EXOC6B: variants seen among roughly 807,000 people sequenced by gnomAD.
EXOC6B encodes the protein SEC15 homolog B.
In EXOC6B, 54 loss-of-function variants were observed where a neutral mutation model predicts 113.5. That is an observed-to-expected ratio of 0.48 (90% CI 0.38 to 0.60). The LOEUF (loss-of-function observed/expected upper bound fraction) is 0.60, where lower values mean the gene tolerates loss of function less well. Among genes scored for constraint, EXOC6B ranks in the 20% least tolerant of loss-of-function variants. The pLI, the probability that EXOC6B is intolerant of heterozygous loss-of-function variation, is 0.00. For missense variants in EXOC6B, 797 were observed against 977.5 expected, an observed-to-expected ratio of 0.82 and a Z score of 2.46; for synonymous variants, 357 against 339.0, an observed-to-expected ratio of 1.05 and a Z score of -0.58.
chr2:72,263,621 G>A (rs1417425410), intron 20 of EXOC6B, among the ~76,000 whole-genome samples: 2 of 152,148 alleles, frequency 1.3e-5, no homozygotes, highest in South Asian at 2.1e-4. Flanking sequence ...TCCCAAAGGG[G>A]TTGGAAGGAG....
At chr2:72,799,057 T>TG (rs1685134639) in intron 1 of EXOC6B, among the ~76,000 whole-genome samples, 1 of 151,114 alleles carries the variant, frequency 6.6e-6, no homozygotes, top group Admixed American at 6.6e-5. Context: ...TGGGCACACA[T>TG]GGGAAACCTC....
chr2:72,607,258 G>C (rs1670808851), intron 6 of EXOC6B, among the ~76,000 whole-genome samples: 1 of 152,024 alleles, frequency 6.6e-6, no homozygotes, highest in Non-Finnish European at 1.5e-5. Flanking sequence ...AAGAGAATAA[G>C]TTCCTGACAT....
At chr2:72,343,845 A>G (rs538350143) in intron 19 of EXOC6B, among the ~76,000 whole-genome samples, 1 of 152,230 alleles carries the variant, frequency 6.6e-6, no homozygotes, top group African/African-American at 2.4e-5. Flanking sequence ...AAATCTGCAA[A>G]TCTTATTAAG....
At chr2:72,765,598 G>A (rs1225720134) in intron 1 of EXOC6B, among the ~76,000 whole-genome samples, 1 of 152,068 alleles carries the variant, frequency 6.6e-6, no homozygotes, top group Non-Finnish European at 1.5e-5. Flanking sequence ...ACTTGAACCC[G>A]GGAGGTGGAG....
At chr2:72,548,107 T>C (rs1432607993) in intron 8 of EXOC6B, among the ~76,000 whole-genome samples, 6 of 152,222 alleles carry the variant, frequency 3.9e-5, no homozygotes, top group South Asian at 4.1e-4. Context: ...CCTTGTTCAC[T>C]TTCTTCCCTC....
chr2:72,483,944 T>C (rs1699262201), intron 16 of EXOC6B, among the ~76,000 whole-genome samples: 1 of 152,156 alleles, frequency 6.6e-6, no homozygotes, highest in African/African-American at 2.4e-5. Flanking sequence ...AGATCAAATA[T>C]TGATTATCTC....
intron 6 of EXOC6B, among the ~76,000 whole-genome samples, chr2:72,689,622 C>T (rs566399340): frequency 2.0e-5 from 3 of 152,086 alleles, no homozygotes; most frequent in Non-Finnish European, 4.4e-5. Flanking sequence ...TTCTGATATT[C>T]GGGCCCTGTG....
chr2:72,727,265 C>T (rs896808634), intron 5 of EXOC6B, among the ~76,000 whole-genome samples: 3 of 152,092 alleles, frequency 2.0e-5, no homozygotes, highest in South Asian at 2.1e-4. Flanking sequence ...GATTTAAACC[C>T]GTATGTTGAT....
intron 8 of EXOC6B, among the ~76,000 whole-genome samples, chr2:72,540,103 T>C (rs966827550): frequency 2.0e-5 from 3 of 151,970 alleles, no homozygotes; most frequent in Admixed American, 2.0e-4. Flanking sequence ...ATTTCATCCA[T>C]GTCCCTACAA....
chr2:72,287,670 C>CAGA (rs1685528271), intron 20 of EXOC6B, among the ~76,000 whole-genome samples: 1 of 151,910 alleles, frequency 6.6e-6, no homozygotes, highest in Non-Finnish European at 1.5e-5. Flanking sequence ...TTATGAATGA[C>CAGA]TTTATGCCAA....
At chr2:72,772,061 G>A (rs1336732795) in intron 1 of EXOC6B, among the ~76,000 whole-genome samples, 1 of 152,150 alleles carries the variant, frequency 6.6e-6, no homozygotes, top group African/African-American at 2.4e-5. Context: ...CACCTAGGTA[G>A]AATGCAGAAA....
chr2:72,544,421 T>C (rs1390983024), intron 8 of EXOC6B, among the ~76,000 whole-genome samples: 1 of 152,068 alleles, frequency 6.6e-6, no homozygotes, highest in Non-Finnish European at 1.5e-5. Context: ...TAAAACTGAG[T>C]CCTCATCAGG....
At chr2:72,677,957 CTT>C (rs1475141918) in intron 6 of EXOC6B, among the ~76,000 whole-genome samples, 3 of 152,154 alleles carry the variant, frequency 2.0e-5, no homozygotes, top group African/African-American at 4.8e-5. Context: ...ATCAAAGACT[CTT>C]TTAGTGACAA....
intron 20 of EXOC6B, among the ~76,000 whole-genome samples, chr2:72,309,005 T>G (rs1184176539): frequency 6.6e-6 from 1 of 152,024 alleles, no homozygotes; most frequent in Non-Finnish European, 1.5e-5. Flanking sequence ...ACAAATCAGA[T>G]AGAAATGAGA....
chr2:72,258,545 C>A (rs557946928), intron 20 of EXOC6B, among the ~76,000 whole-genome samples: 1 of 150,850 alleles, frequency 6.6e-6, no homozygotes, highest in Non-Finnish European at 1.5e-5. Context: ...TAAATTTTTT[C>A]TTTTATAGAG....
intron 6 of EXOC6B, among the ~76,000 whole-genome samples, chr2:72,624,482 T>C (rs1004120094): frequency 6.6e-6 from 1 of 152,202 alleles, no homozygotes; most frequent in Non-Finnish European, 1.5e-5. Context: ...GTCTCACTCC[T>C]GTAATCCTGC....
intron 6 of EXOC6B, among the ~76,000 whole-genome samples, chr2:72,608,455 G>A (rs2104062315): frequency 6.6e-6 from 1 of 152,236 alleles, no homozygotes; most frequent in East Asian, 1.9e-4. Context: ...CAGTTTTAAT[G>A]ATCATCAGTA....
At chr2:72,783,364 G>A (rs35667153) in intron 1 of EXOC6B, among the ~76,000 whole-genome samples, 12 of 113,114 alleles carry the variant, frequency 1.1e-4, no homozygotes, top group African/African-American at 2.7e-4. Context: ...TCGCTCTGTC[G>A]CCCAGGCTGG....
intron 20 of EXOC6B, among the ~76,000 whole-genome samples, chr2:72,223,026 G>A (rs1018312073): frequency 2.6e-5 from 4 of 152,154 alleles, no homozygotes; most frequent in African/African-American, 9.7e-5. Context: ...TCTGTGTTCA[G>A]TATGTCTCTA....
Sources: allele counts gnomAD v4.1 joint callset (sites outside exome capture counted in the v4.1 genomes callset), GRCh38; gene constraint gnomAD v4.1.1; transcripts MANE v1.5; gene names NCBI Gene and HGNC (gene_info 2026-07-23, HGNC 2026-07-21).